Variants in WWP1 observed in about 807,000 individuals in gnomAD.
WWP1 encodes NEDD4-like E3 ubiquitin-protein ligase WWP1.
WWP1 carries 49 observed loss-of-function variants against 130.6 expected under a neutral mutation model. The ratio of observed to expected loss-of-function variants is 0.38; its 90% CI spans 0.30 to 0.48. WWP1 has a LOEUF of 0.48. WWP1 is among the 20% of genes least tolerant of loss of function. WWP1 has a pLI of 0.99. For synonymous variants in WWP1, 332 were observed against 367.8 expected, an observed-to-expected ratio of 0.90 and a Z score of 1.11; for missense variants, 809 against 1,100.6, an observed-to-expected ratio of 0.74 and a Z score of 3.75.
At position 86,453,401 on chromosome 8, in the gene WWP1, T is replaced by C. The variant is rs1811278878; in HGVS notation, c.2394+722T>C. On this transcript the variant is annotated intron_variant, in intron 21 of 24. Coordinates refer to ENST00000517970, the MANE Select transcript of WWP1 (RefSeq NM_007013.4). Reference sequence around the variant, plus strand: ...TTTTAGACTGAATAATACTCCATTATAGAGTATTATGTACACTACCACATG... The same window carrying C: ...TTTTAGACTGAATAATACTCCATTACAGAGTATTATGTACACTACCACATG... 2.0e-5 allele frequency among the ~76,000 whole-genome samples: 3 copies of C among 152,316 alleles called. No homozygotes were observed. In the South Asian group the frequency reaches 6.2e-4, roughly 32 times the overall value.
chr8:86,433,378 T>A (rs1025275946), intron 14 of WWP1, among the ~76,000 whole-genome samples: 3 of 152,096 alleles, frequency 2.0e-5, no homozygotes, highest in Middle Eastern at 3.4e-3. Flanking sequence ...CAGCTGCTTA[T>A]TGACATCTCC....
chr8:86,440,639 T>A (rs1810542139), intron 17 of WWP1: 4 of 450,582 alleles, frequency 8.9e-6, no homozygotes, highest in Non-Finnish European at 1.8e-5. Context: ...TATATTAAGA[T>A]CTTCCTTAAT....
At chr8:86,345,070 A>G (rs1281359296) in intron 1 of WWP1, among the ~76,000 whole-genome samples, 2 of 152,146 alleles carry the variant, frequency 1.3e-5, no homozygotes, top group Non-Finnish European at 2.9e-5. Flanking sequence ...CAGTTGTTGT[A>G]GTCATGGATA....
At chr8:86,396,565 AT>A (rs57138089) in intron 5 of WWP1, among the ~76,000 whole-genome samples, 20,932 of 139,590 alleles carry the variant, frequency 0.15, 1,466 homozygotes, top group Non-Finnish European at 0.19. Flanking sequence ...TGGTTTAAAC[AT>A]TTTTTTTTTT....
intron 5 of WWP1, among the ~76,000 whole-genome samples, chr8:86,389,723 CGGG>C (rs1038233107): frequency 6.6e-6 from 1 of 152,108 alleles, no homozygotes; most frequent in African/African-American, 2.4e-5. Context: ...ACTTCCCAGA[CGGG>C]GCGGCCGGGC....
chr8:86,365,398 C>T (rs1823914692), intron 1 of WWP1, among the ~76,000 whole-genome samples: 1 of 152,108 alleles, frequency 6.6e-6, no homozygotes, highest in African/African-American at 2.4e-5. Flanking sequence ...GCTTCAATAC[C>T]TTTTAGGTTC....
chr8:86,352,255 C>G (rs940921390), intron 1 of WWP1, among the ~76,000 whole-genome samples: 10 of 151,750 alleles, frequency 6.6e-5, no homozygotes, highest in Admixed American at 4.6e-4. Context: ...AAGACAGAGT[C>G]TTACTGTCAC....
In WWP1 at chr8:86,461,130, A is replaced by G. The variant is rs1293677096; in HGVS notation, c.2500-94A>G. On this transcript the variant is annotated intron_variant, in intron 22 of 24. Transcript: ENST00000517970. Reference sequence around the variant, plus strand: ...AACCTTTAGCACATCTTTTGAACCAATTCAGTGTTATTTAATTTCTTCAAG... The same window carrying G: ...AACCTTTAGCACATCTTTTGAACCAGTTCAGTGTTATTTAATTTCTTCAAG... 6.8e-6 allele frequency: 8 copies of G among 1,168,534 alleles called. No individual in the cohort carries two copies. The South Asian group carries it at 8.1e-5, about 12-fold the overall frequency. The allele number at this position is 1,168,534 out of a possible 1,614,324, so 72.4% of individuals were successfully genotyped here. A position where few individuals can be genotyped will look rare whatever the true frequency, so the allele number is the denominator to read the frequency against.
chr8:86,436,283 A>G (rs186408313), intron 16 of WWP1, among the ~76,000 whole-genome samples: 219 of 152,326 alleles, frequency 1.4e-3, no homozygotes, highest in African/African-American at 5.0e-3. Flanking sequence ...ATTACCTCAA[A>G]GTTTTGATAA....
In WWP1 at chr8:86,401,914, TAAC is replaced by T. The variant is rs2130506830; in HGVS notation, c.540-102_540-100del. 6.9e-6 allele frequency: 8 copies of T among 1,157,108 alleles called. No homozygotes were observed. In the South Asian group the frequency reaches 2.0e-4, roughly 29 times the overall value. 71.7% of individuals were successfully genotyped at this position (1,157,108 alleles called of 1,614,324 possible). The stretch of plus-strand genomic sequence containing the variant: ...AATCTAAAAAATTTTAAAAAAGAAA[TAAC>T]AAAAAAGAAACTTAAGAGAATTTAG... On this transcript the variant is annotated intron_variant, in intron 7 of 24. Transcript: ENST00000517970.
chr8:86,434,560 A>G (rs10086340), intron 14 of WWP1, among the ~76,000 whole-genome samples: 4 of 152,012 alleles, frequency 2.6e-5, no homozygotes, highest in Admixed American at 6.6e-5. Context: ...CACTCCTTAT[A>G]CTTTGTCCTT....
At chr8:86,393,519 A>G (rs984228680) in intron 5 of WWP1, among the ~76,000 whole-genome samples, 2 of 152,202 alleles carry the variant, frequency 1.3e-5, no homozygotes, top group African/African-American at 4.8e-5. Context: ...CTGGGATTAC[A>G]GATTTATTAT....
chr8:86,395,958 A>G (rs187638271), intron 5 of WWP1, among the ~76,000 whole-genome samples: 84 of 152,312 alleles, frequency 5.5e-4, no homozygotes, highest in Non-Finnish European at 9.0e-4. Flanking sequence ...TCAAACAGCT[A>G]TATATTTTAG....
intron 14 of WWP1, 148 bp downstream of exon 14, chr8:86,431,891 C>A: frequency 1.0e-6 from 1 of 996,230 alleles, no homozygotes; most frequent in South Asian, 1.7e-5. Context: ...GCTGTCTTTG[C>A]TCTCATTTGA....
At chr8:86,383,377 C>G (rs1402778585) in intron 5 of WWP1, among the ~76,000 whole-genome samples, 1 of 152,202 alleles carries the variant, frequency 6.6e-6, no homozygotes, top group African/African-American at 2.4e-5. Flanking sequence ...CACTTATCTG[C>G]CAAATGATCT....
chr8:86,412,605 T>C (rs1808648309), intron 9 of WWP1, among the ~76,000 whole-genome samples: 1 of 152,150 alleles, frequency 6.6e-6, no homozygotes, highest in Admixed American at 6.5e-5. Flanking sequence ...GTGATCAGAA[T>C]GTCAACTGTT....
At position 86,468,297 on chromosome 8, in the gene WWP1, A is replaced by T. The variant is rs1024535031; in HGVS notation, c.*1404A>T. On this transcript the variant is annotated 3_prime_UTR_variant, in exon 25 of 25. Transcript: ENST00000517970. ...TTTTGCCAAAATTTTATTTTTCTAC[A>T]TATTGAGAGTGTGTTCTCCATTTTA... 7.2e-6 allele frequency: 3 copies of T among 413,812 alleles called. No homozygotes were observed. The highest frequency in any genetic ancestry group is 6.3e-5 in the African/African-American group (3 of 47,492). 25.6% of individuals were successfully genotyped at this position (413,812 alleles called of 1,614,324 possible).
chr8:86,376,024 G>C (rs991581077), intron 3 of WWP1, among the ~76,000 whole-genome samples: 14 of 152,154 alleles, frequency 9.2e-5, no homozygotes, highest in African/African-American at 3.1e-4. Context: ...TGAACTATAA[G>C]GGATATTTGG....
At chr8:86,394,253 C>G (rs1807521661) in intron 5 of WWP1, among the ~76,000 whole-genome samples, 1 of 152,148 alleles carries the variant, frequency 6.6e-6, no homozygotes, top group African/African-American at 2.4e-5. Flanking sequence ...TAGTTATATA[C>G]CTACCTCCTC....
Sources: gnomAD v4.1 joint callset for allele counts (sites outside exome capture counted in the v4.1 genomes callset) on GRCh38, gnomAD v4.1.1 for gene constraint, MANE v1.5 for transcripts, NCBI Gene and HGNC (gene_info 2026-07-23, HGNC 2026-07-21) for gene names.